Variants in CHL1 observed in about 807,000 individuals in gnomAD.
CHL1 encodes cell adhesion molecule L1 like.
A neutral mutation model predicts 141.9 loss-of-function variants in CHL1; 96 were observed. The ratio of observed to expected loss-of-function variants is 0.68; its 90% CI spans 0.57 to 0.80. The LOEUF (loss-of-function observed/expected upper bound fraction) is 0.80. CHL1 is among the 30% of genes least tolerant of loss of function. The pLI, the probability that CHL1 is intolerant of heterozygous loss-of-function variation, is 0.00. For missense variants in CHL1, 1,820 were observed against 1,457.2 expected (o/e 1.25, Z -4.05); for synonymous variants, 613 against 502.2 (o/e 1.22, Z -2.95).
At chr3:312,742 C>G (rs1699853917) in intron 2 of CHL1, among the ~76,000 whole-genome samples, 1 of 152,212 alleles carries the variant, frequency 6.6e-6, no homozygotes, top group African/African-American at 2.4e-5. Flanking sequence ...TATAAGACAT[C>G]TTGCTTGATG....
chr3:306,833 A>G (rs1699273028), intron 2 of CHL1, among the ~76,000 whole-genome samples: 1 of 152,200 alleles, frequency 6.6e-6, no homozygotes, highest in Non-Finnish European at 1.5e-5. Flanking sequence ...TGTCATATTC[A>G]AATGCTTAAT....
chr3:331,640 T>C (rs1028932789), intron 5 of CHL1, among the ~76,000 whole-genome samples: 29 of 152,100 alleles, frequency 1.9e-4, no homozygotes, highest in Non-Finnish European at 4.0e-4. Context: ...ATTGAAAGAC[T>C]CTAGGAAGAA....
chr3:391,014 C>T lies in CHL1; in HGVS notation c.2646C>T (p.Asn882=). ...LDGRTHPKEV[N]ILRFSGQRNS... ...GAAGAACACATCCCAAAGAAGTGAA[C>T]ATTCTAAGATTTTCAGGACAAAGAA... The change falls in exon 22 of 28, where the codon AAC becomes AAT. Residue 882 remains asparagine, a synonymous_variant. Transcript: ENST00000256509. The T allele has an allele frequency of 1.9e-6, 3 of 1,614,144 alleles. No individual in the cohort carries two copies. Among genetic ancestry groups the T allele is most frequent in the Non-Finnish European group, 2.5e-6 (3 of 1,179,976 alleles).
At chr3:388,907 G>A (rs534239561) in intron 19 of CHL1, among the ~76,000 whole-genome samples, 2 of 152,302 alleles carry the variant, frequency 1.3e-5, no homozygotes, top group South Asian at 2.1e-4. Context: ...ATGAAAAGGC[G>A]GAATGTAGTG....
chr3:363,447 C>A, intron 14 of CHL1, 64 bp downstream of exon 14: 4 of 1,405,576 alleles, frequency 2.8e-6, no homozygotes, highest in Non-Finnish European at 3.9e-6. Flanking sequence ...CTTCATTTGC[C>A]CAAATGGAAT....
At chr3:217,142 G>C (rs1315421867) in intron 1 of CHL1, among the ~76,000 whole-genome samples, 1 of 151,996 alleles carries the variant, frequency 6.6e-6, no homozygotes, top group East Asian at 1.9e-4. Flanking sequence ...AATTTGGTTT[G>C]ATTATTAATA....
At chr3:281,893 G>GT (rs1404104872) in intron 2 of CHL1, among the ~76,000 whole-genome samples, 1 of 151,986 alleles carries the variant, frequency 6.6e-6, no homozygotes. Context: ...CTTTTGCTTT[G>GT]TAAATACCTT....
At chr3:206,541 C>T (rs1324726982) in intron 1 of CHL1, among the ~76,000 whole-genome samples, 2 of 152,046 alleles carry the variant, frequency 1.3e-5, no homozygotes, top group African/African-American at 4.8e-5. Flanking sequence ...ACCAGCAACA[C>T]AGCAAGACTC....
chr3:260,619 C>A (rs1407758528), intron 2 of CHL1, among the ~76,000 whole-genome samples: 1 of 152,166 alleles, frequency 6.6e-6, no homozygotes, highest in Non-Finnish European at 1.5e-5. Flanking sequence ...GCTTACCAAA[C>A]AAGACCCAGG....
rs1709718446 is a variant in CHL1, at chr3:409,265, T to G, written c.*3554T>G. ...ACGTGATTACCTTTTTCTTTTGGCT[T>G]GGATTAATATTCATAGTAGAACTTT... On this transcript the variant is annotated 3_prime_UTR_variant, in exon 28 of 28. Transcript: ENST00000256509. 6.6e-6 allele frequency: 1 copy of G among 152,116 alleles called. No individual in the cohort carries two copies. The highest frequency in any genetic ancestry group is 6.6e-5 in the Admixed American group (1 of 15,250). The allele number at this position is 152,116 out of a possible 1,614,324, so 9.4% of individuals were successfully genotyped here.
intron 1 of CHL1, among the ~76,000 whole-genome samples, chr3:225,810 C>T (rs1701274860): frequency 6.6e-6 from 1 of 151,990 alleles, no homozygotes; most frequent in Non-Finnish European, 1.5e-5. Flanking sequence ...GAGATTGAGG[C>T]CATCCTGGCT....
rs182097580 is a variant in CHL1, at chr3:272,885, C to T, written c.-95+28193C>T. 7.9e-5 allele frequency among the ~76,000 whole-genome samples: 12 copies of T among 152,206 alleles called. No individual in the cohort carries two copies. In the East Asian group the frequency reaches 2.1e-3, roughly 27 times the overall value. On this transcript the variant is annotated intron_variant, in intron 2 of 27. Transcript: ENST00000256509. ...GAGAGGTGAATAAGACCAAGTTTTG[C>T]CCTTATGAGAGCAACAGTCTAATCT...
intron 7 of CHL1, 104 bp downstream of exon 7, chr3:342,186 C>G (rs749270122): frequency 1.2e-5 from 12 of 1,024,776 alleles, no homozygotes; most frequent in Non-Finnish European, 1.7e-5. Context: ...TATTTTGCAC[C>G]ATTGTGCAGT....
chr3:311,481 G>T (rs1220469299), intron 2 of CHL1, among the ~76,000 whole-genome samples: 4 of 151,918 alleles, frequency 2.6e-5, no homozygotes, highest in Non-Finnish European at 5.9e-5. Context: ...AGCCCTGCAG[G>T]TCGTTTATTA....
chr3:284,150 G>A (rs916485561), intron 2 of CHL1, among the ~76,000 whole-genome samples: 10 of 152,186 alleles, frequency 6.6e-5, no homozygotes, highest in African/African-American at 2.4e-4. Flanking sequence ...ATAAAACAAC[G>A]AAACAAAAGA....
intron 2 of CHL1, among the ~76,000 whole-genome samples, chr3:268,183 A>AT (rs1269344853): frequency 2.0e-5 from 3 of 152,342 alleles, no homozygotes; most frequent in Non-Finnish European, 2.9e-5. Flanking sequence ...TGGGTAAAAT[A>AT]ATTTGGAATA....
At chr3:370,166 G>A (rs956145919) in intron 15 of CHL1, among the ~76,000 whole-genome samples, 6 of 152,144 alleles carry the variant, frequency 3.9e-5, no homozygotes, top group Non-Finnish European at 7.4e-5. Context: ...AGTTTTAGAA[G>A]GAATGGTATC....
At chr3:344,466 A>AACACACACAC (rs56787746) in intron 8 of CHL1, 123 bp from the exon 9 acceptor site, 27 of 562,956 alleles carry the variant, frequency 4.8e-5, no homozygotes, top group Non-Finnish European at 7.6e-5. Flanking sequence ...ATGTGTATAG[A>AACACACACAC]ACACACACAC....
intron 1 of CHL1, among the ~76,000 whole-genome samples, chr3:222,526 A>C (rs188377767): frequency 6.6e-6 from 1 of 152,342 alleles, no homozygotes; most frequent in Non-Finnish European, 1.5e-5. Context: ...GATGGGAAAT[A>C]TAGGTAATTC....
Sources: gnomAD v4.1 joint callset for allele counts (sites outside exome capture counted in the v4.1 genomes callset) on GRCh38, gnomAD v4.1.1 for gene constraint, MANE v1.5 for transcripts, NCBI Gene and HGNC (gene_info 2026-07-23, HGNC 2026-07-21) for gene names.